The following ITPR3 variants were observed in gnomAD, a reference collection of about 807,000 sequenced individuals.
ITPR3 encodes inositol 1,4,5-trisphosphate-gated calcium channel ITPR3.
Under a neutral mutation model 293.2 loss-of-function variants are expected in ITPR3, and 173 were observed. That is an observed-to-expected ratio of 0.59 (90% CI 0.52 to 0.67). The LOEUF (loss-of-function observed/expected upper bound fraction) is 0.67, where lower values mean the gene tolerates loss of function less well. Among genes scored for constraint, ITPR3 ranks in the 30% least tolerant of loss-of-function variants. ITPR3 has a pLI of 0.00. For synonymous variants in ITPR3, 1,295 were observed against 1,444.4 expected, an observed-to-expected ratio of 0.90 and a Z score of 2.35; for missense variants, 2,796 against 3,592.1, an observed-to-expected ratio of 0.78 and a Z score of 5.66.
rs770436643 is a variant in ITPR3 at position 33,667,875 on chromosome 6, G to A, written c.1797G>A (p.Leu599=). 2 of 1,614,190 alleles carry A rather than the reference G, an allele frequency of 1.2e-6. No individual in the cohort carries two copies. Among genetic ancestry groups the A allele is most frequent in the South Asian group, 2.2e-5 (2 of 91,086 alleles). The part of the protein sequence containing the change: ...ILAEDTITAL[L]HNNRKLLEKH... Reference sequence around the variant, plus strand: ...CCGAGGACACCATCACTGCCCTGCTGCACAACAACCGCAAGCTCCTGGAAA... The same window carrying A: ...CCGAGGACACCATCACTGCCCTGCTACACAACAACCGCAAGCTCCTGGAAA... The change falls in exon 16 of 58, where the codon CTG becomes CTA. Residue 599 remains leucine, a synonymous_variant. Coordinates refer to ENST00000605930, the MANE Select transcript of ITPR3 (RefSeq NM_002224.4). The surrounding 1 kb of genome is among the most constrained non-coding windows in gnomAD (Gnocchi z 4.4).
At chr6:33,630,232 TGTG>T (rs1763642979) in intron 1 of ITPR3, among the ~76,000 whole-genome samples, 2 of 152,192 alleles carry the variant, frequency 1.3e-5, no homozygotes, top group African/African-American at 2.4e-5. Flanking sequence ...AAGGCGGGGT[TGTG>T]GTGTAGGCTG....
At chr6:33,694,712 T>C (rs1396282946) in intron 56 of ITPR3, 2 of 591,016 alleles carry the variant, frequency 3.4e-6, no homozygotes, top group African/African-American at 3.8e-5. Flanking sequence ...AGTCAGCCTG[T>C]CTCGGTGGCA....
In ITPR3 at chr6:33,689,574, C is replaced by T. The variant is rs989146380; in HGVS notation, c.6867+164C>T. 3.3e-5 allele frequency among the ~76,000 whole-genome samples: 5 copies of T among 152,320 alleles called. No individual in the cohort carries two copies. The East Asian group carries it at 9.7e-4, about 29-fold the overall frequency. On this transcript the variant is annotated intron_variant, in intron 50 of 57. Transcript: ENST00000605930. ...GACCGGTGGCAGGGACTGTTCTGTA[C>T]CTTCTTCCTTTCCCTCAACACCTGA...
chr6:33,690,739 G>A lies in ITPR3; in HGVS notation c.7033-178G>A, dbSNP rs114973097. ...GTGACCTTAGAATTCCAGGTTTCTC[G>A]AGAAGCTCCCCTGACAGGCCCACCC... On this transcript the variant is annotated intron_variant, in intron 51 of 57. Transcript: ENST00000605930. Among the ~76,000 whole-genome samples, 446 of 152,120 alleles carry A rather than the reference G, an allele frequency of 2.9e-3. 2 individuals carry two copies. The highest frequency in any genetic ancestry group is 9.8e-3 in the African/African-American group (406 of 41,478).
intron 13 of ITPR3, among the ~76,000 whole-genome samples, chr6:33,665,434 A>G (rs918032621): frequency 4.6e-5 from 7 of 152,218 alleles, no homozygotes; most frequent in African/African-American, 1.7e-4. Flanking sequence ...TACTGTGTTG[A>G]GCCTGGTCTC....
chr6:33,674,888 G>T (rs1764865920), intron 24 of ITPR3, among the ~76,000 whole-genome samples: 1 of 152,196 alleles, frequency 6.6e-6, no homozygotes, highest in African/African-American at 2.4e-5. Context: ...CTACTTCAAG[G>T]CAGCGACGAA....
In ITPR3 at chr6:33,683,281, T is replaced by G. The variant is rs942577556; in HGVS notation, c.4672T>G (p.Cys1558Gly). 1.9e-6 allele frequency: 3 copies of G among 1,575,430 alleles called. No homozygotes were observed. In the African/African-American group the frequency reaches 4.0e-5, roughly 21 times the overall value. Reference protein sequence around the residue: ...ISSMLSSGASCAAAAQRNASS... With the variant: ...ISSMLSSGASGAAAAQRNASS... Reference sequence around the variant, plus strand: ...CTCGATGCTCAGCAGTGGAGCCAGCTGTGCAGCTGCCGCCCAGCGGAACGC... The same window carrying G: ...CTCGATGCTCAGCAGTGGAGCCAGCGGTGCAGCTGCCGCCCAGCGGAACGC... Residue 1558 changes from cysteine to glycine, a missense_variant, in exon 35 of 58, where the codon TGT (cysteine) becomes GGT (glycine). By Grantham distance (159) the Cys-to-Gly change is radical. Around this residue, in one of 8 missense-constraint regions of ITPR3, gnomAD observed 704 missense variants for 797.5 expected, o/e 0.88. Transcript: ENST00000605930. This position sits in a 1 kb window ranked among gnomAD's most constrained non-coding sequence, Gnocchi z 4.5.
At chr6:33,681,020 C>T (rs1765061974) in intron 33 of ITPR3, among the ~76,000 whole-genome samples, 2 of 152,144 alleles carry the variant, frequency 1.3e-5, no homozygotes, top group South Asian at 4.1e-4. Context: ...AGGGTTTCAC[C>T]GTGTTAGCCA....
chr6:33,669,263 G>C (rs1231564760), intron 18 of ITPR3, 107 bp downstream of exon 18: 12 of 1,156,598 alleles, frequency 1.0e-5, no homozygotes, highest in Non-Finnish European at 1.5e-5. Context: ...CTCAGGTGGG[G>C]CTCCTGCCTC....
chr6:33,683,115 C>T lies in ITPR3; in HGVS notation c.4598-92C>T. On this transcript the variant is annotated intron_variant, in intron 34 of 57. Transcript: ENST00000605930. This position sits in a 1 kb window ranked among gnomAD's most constrained non-coding sequence, Gnocchi z 4.5. ...TCCCAGACCCTTGGTCTAGTTCACT[C>T]TGTCTCCTGGTGTGGCAGCCCTGAG... 1 of 972,774 alleles carries T rather than the reference C, an allele frequency of 1.0e-6. No homozygotes were observed. Among genetic ancestry groups the T allele is most frequent in the South Asian group, 2.0e-5 (1 of 50,148 alleles). 60.3% of individuals were successfully genotyped at this position (972,774 alleles called of 1,614,324 possible).
rs1765421055 is a variant in ITPR3, at chr6:33,692,449, C to T, written c.7459-279C>T. ...CAGAGACACACCGAGACTCGTAGCC[C>T]TACCTCCCCGCCAGACTCCTTCTGC... is the stretch of plus-strand genomic sequence containing the variant. On this transcript the variant is annotated intron_variant, in intron 54 of 57. Coordinates refer to ENST00000605930, the MANE Select transcript of ITPR3 (RefSeq NM_002224.4). The surrounding 1 kb of genome is among the most constrained non-coding windows in gnomAD (Gnocchi z 4.2). 1.3e-5 allele frequency among the ~76,000 whole-genome samples: 2 copies of T among 152,124 alleles called. No individual in the cohort carries two copies. The highest frequency in any genetic ancestry group is 4.8e-5 in the African/African-American group (2 of 41,426).
At chr6:33,622,283 G>T (rs1320928893) in intron 1 of ITPR3, among the ~76,000 whole-genome samples, 2 of 152,034 alleles carry the variant, frequency 1.3e-5, no homozygotes, top group Non-Finnish European at 2.9e-5. Flanking sequence ...AATTTCCTGC[G>T]CCGGTCATCT....
At chr6:33,668,897 C>T in intron 17 of ITPR3, 77 bp from the exon 18 acceptor site, 2 of 1,461,086 alleles carry the variant, frequency 1.4e-6, no homozygotes, top group Admixed American at 3.7e-5. Flanking sequence ...CACTGTGTGG[C>T]CGGGTGTGCT....
rs1466282042 is a variant in ITPR3 at position 33,684,660 on chromosome 6, G to C, written c.5109G>C (p.Arg1703=). The C allele has an allele frequency of 1.9e-6, 3 of 1,613,974 alleles. No homozygotes were observed. The highest frequency in any genetic ancestry group is 2.5e-6 in the Non-Finnish European group (3 of 1,180,034). Residue 1703 remains arginine (R), a synonymous_variant, in exon 38 of 58, where the codon CGG becomes CGC. Coordinates refer to ENST00000605930, the MANE Select transcript of ITPR3 (RefSeq NM_002224.4). The surrounding 1 kb of genome is among the most constrained non-coding windows in gnomAD (Gnocchi z 4.2). Reference sequence around the variant, plus strand: ...TCCAGAACCGGAAGTCCACCTCGCGGGGGGACCTTCCCGACCCCATAGGCA... The same window carrying C: ...TCCAGAACCGGAAGTCCACCTCGCGCGGGGACCTTCCCGACCCCATAGGCA... ...NYLQNRKSTS[R]GDLPDPIGTG... is the part of the protein sequence containing the mutation.
chr6:33,667,724 C>T lies in ITPR3; in HGVS notation c.1714-68C>T. ...TACCTCGGGGTTTGGGGGCAGCGTTCCAGAGCAGAGCTGGGCCCTTGGCCC... is the reference window on the plus strand; with the variant it reads ...TACCTCGGGGTTTGGGGGCAGCGTTTCAGAGCAGAGCTGGGCCCTTGGCCC... On this transcript the variant is annotated intron_variant, in intron 15 of 57. Transcript: ENST00000605930. This position sits in a 1 kb window ranked among gnomAD's most constrained non-coding sequence, Gnocchi z 4.4. The T allele has an allele frequency of 6.4e-7, 1 of 1,572,440 alleles. No homozygotes were observed. The highest frequency in any genetic ancestry group is 1.2e-5 in the South Asian group (1 of 86,902).
chr6:33,662,745 C>T, intron 8 of ITPR3, 71 bp downstream of exon 8: 1 of 1,577,096 alleles, frequency 6.3e-7, no homozygotes, highest in Non-Finnish European at 8.6e-7. Flanking sequence ...CCCCACCATC[C>T]TGGAGGGTGG....
intron 31 of ITPR3, 68 bp from the exon 32 acceptor site, chr6:33,680,261 G>C (rs1461788427): frequency 6.3e-7 from 1 of 1,583,272 alleles, no homozygotes; most frequent in Non-Finnish European, 8.6e-7. Flanking sequence ...GGGGACAGGA[G>C]CATTGTGGCA....
In ITPR3 at chr6:33,672,077, C is replaced by G; in HGVS notation, c.2777C>G (p.Thr926Ser). The G allele has an allele frequency of 1.2e-6, 2 of 1,613,572 alleles. No homozygotes were observed. Among genetic ancestry groups the G allele is most frequent in the Non-Finnish European group, 1.7e-6 (2 of 1,179,712 alleles). ...SIQGVGHMMS[T>S]MVLSRKQSVF... The stretch of plus-strand genomic sequence containing the variant: ...CAGGGCGTGGGGCACATGATGTCCA[C>G]CATGGTGCTGAGCCGCAAGCAGTCC... Residue 926 changes from threonine to serine, a missense_variant, in exon 22 of 58, where the codon ACC becomes AGC. Around this residue, in one of 8 missense-constraint regions of ITPR3, gnomAD observed 955 missense variants for 1,180.8 expected, o/e 0.81. Coordinates refer to ENST00000605930, the MANE Select transcript of ITPR3 (RefSeq NM_002224.4). The surrounding 1 kb of genome is among the most constrained non-coding windows in gnomAD (Gnocchi z 5.0).
At chr6:33,646,244 C>A (rs925789508) in intron 2 of ITPR3, among the ~76,000 whole-genome samples, 2 of 152,078 alleles carry the variant, frequency 1.3e-5, no homozygotes, top group Non-Finnish European at 2.9e-5. Context: ...CTCACTCAAC[C>A]TCCTTTCCCC....
Sources: allele counts gnomAD v4.1 joint callset (sites outside exome capture counted in the v4.1 genomes callset), GRCh38; gene constraint gnomAD v4.1.1; regional missense constraint gnomAD v4.1.1; non-coding constraint Gnocchi (gnomAD v3.1); transcripts MANE v1.5; gene names NCBI Gene and HGNC (gene_info 2026-07-23, HGNC 2026-07-21).